Variants in GRIK1 observed in about 807,000 individuals in gnomAD.
GRIK1 encodes glutamate receptor ionotropic, kainate 1.
A neutral mutation model predicts 105.7 loss-of-function variants in GRIK1; 69 were observed. The observed-to-expected ratio is 0.65, with a 90% CI of 0.54 to 0.80. The LOEUF is 0.80. Among genes scored for constraint, GRIK1 ranks in the 30% least tolerant of loss-of-function variants. GRIK1 has a pLI of 0.00. For missense variants in GRIK1, 1,109 were observed against 1,167.3 expected, an observed-to-expected ratio of 0.95 and a Z score of 0.73; for synonymous variants, 438 against 431.3, an observed-to-expected ratio of 1.02 and a Z score of -0.19.
Position 29,912,648 on chromosome 21 carries a change from TAG to T in GRIK1, c.118+26733_118+26734del, listed in dbSNP as rs900745805. On this transcript the variant is annotated intron_variant, in intron 1 of 17. Transcript: ENST00000327783. ...TATATTTATTCTAAAGCCCTGGATA[TAG>T]AGAGTGTGATAAAAAATATTTATCC... is the stretch of plus-strand genomic sequence containing the variant. Among the ~76,000 whole-genome samples the T allele has an allele frequency of 3.3e-5, 5 of 152,114 alleles. No homozygotes were observed. The South Asian group carries it at 6.2e-4, about 19-fold the overall frequency.
At chr21:29,759,244 A>G (rs2065442869) in intron 1 of GRIK1, among the ~76,000 whole-genome samples, 1 of 151,454 alleles carries the variant, frequency 6.6e-6, no homozygotes. Flanking sequence ...CAGCCTCCCG[A>G]GTAGCTGGGA....
intron 7 of GRIK1, among the ~76,000 whole-genome samples, chr21:29,614,804 T>C (rs1039979748): frequency 6.6e-6 from 1 of 151,510 alleles, no homozygotes; most frequent in Non-Finnish European, 1.5e-5. Flanking sequence ...CTACTACACA[T>C]AAACTTTGTG....
chr21:29,885,097 T>C (rs1384018478), intron 1 of GRIK1, among the ~76,000 whole-genome samples: 4 of 152,084 alleles, frequency 2.6e-5, no homozygotes, highest in Admixed American at 6.6e-5. Flanking sequence ...ATTGTAATTA[T>C]GCATATTTAT....
intron 1 of GRIK1, among the ~76,000 whole-genome samples, chr21:29,850,569 G>C (rs182552458): frequency 5.3e-5 from 8 of 152,226 alleles, no homozygotes; most frequent in Admixed American, 3.3e-4. Flanking sequence ...TGGATAAGGT[G>C]GTCGCAGATG....
chr21:29,560,578 C>CTT (rs2090452001), intron 15 of GRIK1, among the ~76,000 whole-genome samples: 2 of 47,916 alleles, frequency 4.2e-5, no homozygotes, highest in African/African-American at 1.5e-4. Context: ...CTTTCTTTCT[C>CTT]TCTTTCTTTC....
At chr21:29,594,636 T>A (rs2061378195) in intron 9 of GRIK1, among the ~76,000 whole-genome samples, 1 of 152,124 alleles carries the variant, frequency 6.6e-6, no homozygotes, top group Non-Finnish European at 1.5e-5. Flanking sequence ...TGAAAATGAG[T>A]GCCCAAATGA....
At chr21:29,607,157 T>C (rs2061639593) in intron 7 of GRIK1, among the ~76,000 whole-genome samples, 1 of 152,168 alleles carries the variant, frequency 6.6e-6, no homozygotes, top group African/African-American at 2.4e-5. Context: ...TTCGTTCTCA[T>C]CATATGGTGA....
intron 1 of GRIK1, among the ~76,000 whole-genome samples, chr21:29,800,619 T>C (rs778309309): frequency 6.6e-6 from 1 of 152,216 alleles, no homozygotes; most frequent in Non-Finnish European, 1.5e-5. Flanking sequence ...CCAAAAACTC[T>C]TCAAATGAAA....
chr21:29,847,931 A>G (rs887259503), intron 1 of GRIK1, among the ~76,000 whole-genome samples: 2 of 151,504 alleles, frequency 1.3e-5, no homozygotes, highest in Non-Finnish European at 2.9e-5. Context: ...TCTCTCTCTC[A>G]CACACACACA....
intron 1 of GRIK1, among the ~76,000 whole-genome samples, chr21:29,759,311 G>A (rs934672595): frequency 6.6e-6 from 1 of 151,920 alleles, no homozygotes; most frequent in East Asian, 1.9e-4. Context: ...TAGAGACGGG[G>A]TTTCACCATG....
intron 1 of GRIK1, among the ~76,000 whole-genome samples, chr21:29,770,315 C>A (rs1326131893): frequency 6.6e-6 from 1 of 152,258 alleles, no homozygotes; most frequent in African/African-American, 2.4e-5. Flanking sequence ...CAATCTGCTT[C>A]TCCAGTAGTG....
chr21:29,672,056 CTTTT>C (rs57589929), intron 4 of GRIK1, among the ~76,000 whole-genome samples: 1 of 131,632 alleles, frequency 7.6e-6, no homozygotes, highest in Admixed American at 7.7e-5. Context: ...TCTGAATTTA[CTTTT>C]TTTTTTTTTT....
At chr21:29,726,263 C>T (rs1450215246) in intron 1 of GRIK1, among the ~76,000 whole-genome samples, 1 of 152,144 alleles carries the variant, frequency 6.6e-6, no homozygotes. Context: ...TCTTTGTCAG[C>T]ATTCTTGATG....
intron 1 of GRIK1, among the ~76,000 whole-genome samples, chr21:29,813,297 C>T (rs960634177): frequency 1.3e-5 from 2 of 152,110 alleles, no homozygotes; most frequent in Non-Finnish European, 2.9e-5. Context: ...AGAATTAAGG[C>T]TTGCCATAAG....
chr21:29,563,646 C>T (rs1049121228), intron 14 of GRIK1, among the ~76,000 whole-genome samples: 1 of 152,178 alleles, frequency 6.6e-6, no homozygotes, highest in Non-Finnish European at 1.5e-5. Flanking sequence ...GCTACTCATA[C>T]AAGCGCAGAA....
chr21:29,804,234 TCAAC>T (rs2066793314), intron 1 of GRIK1, among the ~76,000 whole-genome samples: 1 of 152,228 alleles, frequency 6.6e-6, no homozygotes, highest in South Asian at 2.1e-4. Flanking sequence ...GTCTAAAACA[TCAAC>T]CAAGGCAAGG....
intron 1 of GRIK1, among the ~76,000 whole-genome samples, chr21:29,701,378 G>A (rs1218575085): frequency 6.6e-6 from 1 of 152,194 alleles, no homozygotes; most frequent in Non-Finnish European, 1.5e-5. Flanking sequence ...GATACTGGGA[G>A]AAGAGCGTTA....
intron 1 of GRIK1, among the ~76,000 whole-genome samples, chr21:29,827,929 G>A (rs1340450200): frequency 1.3e-5 from 2 of 150,920 alleles, no homozygotes; most frequent in African/African-American, 4.9e-5. Flanking sequence ...GAATTGGCTG[G>A]GCCACTGAGT....
chr21:29,696,862 A>T (rs2063712172), intron 1 of GRIK1, among the ~76,000 whole-genome samples: 1 of 152,228 alleles, frequency 6.6e-6, no homozygotes, highest in Non-Finnish European at 1.5e-5. Flanking sequence ...GGAAACAGAA[A>T]TTCTGAATTT....
Sources: allele counts gnomAD v4.1 joint callset (sites outside exome capture counted in the v4.1 genomes callset), GRCh38; gene constraint gnomAD v4.1.1; transcripts MANE v1.5; gene names NCBI Gene and HGNC (gene_info 2026-07-23, HGNC 2026-07-21).